The following ULK2 variants were observed in gnomAD, a reference collection of about 807,000 sequenced individuals.
ULK2 encodes serine/threonine-protein kinase ULK2.
A neutral mutation model predicts 127.5 loss-of-function variants in ULK2; 76 were observed. The observed-to-expected ratio is 0.60, with a 90% CI of 0.50 to 0.72. ULK2 has a LOEUF of 0.72. Among genes scored for constraint, ULK2 ranks in the 30% least tolerant of loss-of-function variants. The pLI, the probability that ULK2 is intolerant of heterozygous loss-of-function variation, is 0.00. For missense variants in ULK2, 1,144 were observed against 1,295.9 expected (o/e 0.88, Z 1.80); for synonymous variants, 452 against 461.9 (o/e 0.98, Z 0.28).
chr17:19,773,150 G>A lies in ULK2; in HGVS notation c.*3199C>T, dbSNP rs2086759899. 1.3e-5 allele frequency: 2 copies of A among 152,246 alleles called. No individual in the cohort carries two copies. Among genetic ancestry groups the A allele is most frequent in the Non-Finnish European group, 2.9e-5 (2 of 68,098 alleles). The allele number at this position is 152,246 out of a possible 1,614,324, so 9.4% of individuals were successfully genotyped here. A position where few individuals can be genotyped will look rare whatever the true frequency, so the allele number is the denominator to read the frequency against. ...AAAATAGCTGAGCGTGGTGGCGCAT[G>A]TCTGTAATCCTAGCTACCTGGGAGG... On this transcript the variant is annotated 3_prime_UTR_variant, in exon 27 of 27. Coordinates refer to ENST00000395544, the MANE Select transcript of ULK2 (RefSeq NM_014683.4).
Position 19,835,177 on chromosome 17 carries a change from C to T in ULK2, c.787+3324G>A, listed in dbSNP as rs548044036. ...TCTTTTTTTTTTGGAGATGGAGTCT[C>T]GCTCTGTCACCCAGGCTGGAGGAGT... On this transcript the variant is annotated intron_variant, in intron 10 of 26. Coordinates refer to ENST00000395544, the MANE Select transcript of ULK2 (RefSeq NM_014683.4). Among the ~76,000 whole-genome samples, 8 of 150,672 alleles carry T rather than the reference C, an allele frequency of 5.3e-5. No homozygotes were observed. In the East Asian group the frequency reaches 1.0e-3, roughly 19 times the overall value.
At chr17:19,780,741 C>A in intron 24 of ULK2, 112 bp from the exon 25 acceptor site, 1 of 1,214,892 alleles carries the variant, frequency 8.2e-7, no homozygotes, top group African/African-American at 1.5e-5. Context: ...TGTGATCATT[C>A]AAAAAAAGGA....
intron 12 of ULK2, among the ~76,000 whole-genome samples, chr17:19,824,331 A>G (rs1338468827): frequency 6.6e-6 from 1 of 151,478 alleles, no homozygotes. Flanking sequence ...CTACAGTCCC[A>G]GCTACTTGGG....
chr17:19,867,587 G>C lies in ULK2; in HGVS notation c.-170C>G, dbSNP rs1469226699. 9.1e-6 allele frequency: 3 copies of C among 331,370 alleles called. No homozygotes were observed. The Admixed American group carries it at 1.5e-4, about 17-fold the overall frequency. The allele number at this position is 331,370 out of a possible 1,614,324, so 20.5% of individuals were successfully genotyped here. On this transcript the variant is annotated 5_prime_UTR_variant, in exon 1 of 27. Transcript: ENST00000395544. ...CCGAGAGACCGGAGCGGAAACTGGG[G>C]AAGCTGCCGCGCGGAGCCAGGGTCA...
Position 19,840,244 on chromosome 17 carries a change from G to C in ULK2, c.704+1245C>G, listed in dbSNP as rs928942417. The C allele has an allele frequency of 1.2e-5, 6 of 512,324 alleles. No homozygotes were observed. In the East Asian group the frequency reaches 1.6e-4, roughly 14 times the overall value. The allele number at this position is 512,324 out of a possible 1,614,324, so 31.7% of individuals were successfully genotyped here. On this transcript the variant is annotated intron_variant, in intron 9 of 26. Transcript: ENST00000395544. ...GCGCAAGTTGAGCAGTTGGCCATAA[G>C]AGCCGGGCTGAAATGAGAGTACCTG...
chr17:19,865,225 G>A (rs2042327806), intron 2 of ULK2, among the ~76,000 whole-genome samples: 1 of 152,180 alleles, frequency 6.6e-6, no homozygotes, highest in Non-Finnish European at 1.5e-5. Context: ...CATAGGCTTT[G>A]TGACTCTCCA....
intron 25 of ULK2, among the ~76,000 whole-genome samples, 161 bp downstream of exon 25, chr17:19,780,311 C>A (rs2086892711): frequency 6.6e-6 from 1 of 152,032 alleles, no homozygotes; most frequent in Non-Finnish European, 1.5e-5. Context: ...ATGACATTAA[C>A]AGTTGCTTAA....
intron 20 of ULK2, among the ~76,000 whole-genome samples, chr17:19,789,840 A>C (rs1161459220): frequency 1.3e-5 from 2 of 151,822 alleles, no homozygotes; most frequent in African/African-American, 2.4e-5. Context: ...AGGCTATCTG[A>C]AAATACAGAG....
At chr17:19,824,820 T>C (rs2041248390) in intron 12 of ULK2, among the ~76,000 whole-genome samples, 1 of 152,120 alleles carries the variant, frequency 6.6e-6, no homozygotes, top group Non-Finnish European at 1.5e-5. Context: ...CAAAACACCA[T>C]AGGGTATAAG....
intron 15 of ULK2, among the ~76,000 whole-genome samples, chr17:19,804,154 G>A (rs1336227893): frequency 1.3e-5 from 2 of 152,002 alleles, no homozygotes; most frequent in East Asian, 1.9e-4. Flanking sequence ...AGGCTGAGAC[G>A]GGAGGATCGC....
chr17:19,833,603 A>G (rs2041519006), intron 10 of ULK2, among the ~76,000 whole-genome samples: 2 of 152,042 alleles, frequency 1.3e-5, no homozygotes, highest in Non-Finnish European at 2.9e-5. Context: ...CCAGCTATGC[A>G]GGAGGCTGAG....
chr17:19,857,643 A>G (rs1441852233), intron 3 of ULK2, among the ~76,000 whole-genome samples: 1 of 152,196 alleles, frequency 6.6e-6, no homozygotes, highest in Non-Finnish European at 1.5e-5. Flanking sequence ...ACAATCACAC[A>G]GTTATGTATT....
chr17:19,845,347 C>G lies in ULK2; in HGVS notation c.500G>C (p.Ser167Thr), dbSNP rs759671653. Residue 167 changes from serine to threonine, a missense_variant, in exon 7 of 27, where the codon AGT (serine) becomes ACT (threonine). By Grantham distance (58) the Ser-to-Thr change is moderately conservative. This residue lies in a region of ULK2 where 231 missense variants were observed against 325.4 expected (regional missense o/e 0.71). Coordinates refer to ENST00000395544, the MANE Select transcript of ULK2 (RefSeq NM_014683.4). ...ACACAGTGTTGCAGCCATCATGTTA[C>G]TATGTAGGTAACGAGCAAAACCAAA... ...ADFGFARYLH[S>T]NMMAATLCGS... is the part of the protein sequence containing the mutation. The G allele has an allele frequency of 1.2e-6, 2 of 1,613,856 alleles. No homozygotes were observed. Among genetic ancestry groups the G allele is most frequent in the Non-Finnish European group, 1.7e-6 (2 of 1,179,912 alleles).
At chr17:19,812,587 T>G (rs118016775) in intron 13 of ULK2, among the ~76,000 whole-genome samples, 2,091 of 152,358 alleles carry the variant, frequency 0.014, 18 homozygotes, top group Middle Eastern at 0.037. Context: ...TTTACTCTGG[T>G]GATCGCAGGC....
At chr17:19,855,510 G>C (rs2042107216) in intron 3 of ULK2, among the ~76,000 whole-genome samples, 1 of 144,772 alleles carries the variant, frequency 6.9e-6, no homozygotes, top group Non-Finnish European at 1.5e-5. Flanking sequence ...TAAGGCAGGA[G>C]AATCACTTGA....
In ULK2 at chr17:19,772,027, G is replaced by A. The variant is rs1289809099; in HGVS notation, c.*4322C>T. On this transcript the variant is annotated 3_prime_UTR_variant, in exon 27 of 27. Coordinates refer to ENST00000395544, the MANE Select transcript of ULK2 (RefSeq NM_014683.4). ...TACAGATTGATCCCACCTGTTCAGA[G>A]CAACAGGCACGGCTTCACTCGGGAC... is the stretch of plus-strand genomic sequence containing the variant. 1 of 152,400 alleles carries A rather than the reference G, an allele frequency of 6.6e-6. No individual in the cohort carries two copies. Among genetic ancestry groups the A allele is most frequent in the African/African-American group, 2.4e-5 (1 of 41,452 alleles). The allele number at this position is 152,400 out of a possible 1,614,324, so 9.4% of individuals were successfully genotyped here.
At chr17:19,860,685 C>G (rs2042223241) in intron 3 of ULK2, among the ~76,000 whole-genome samples, 1 of 151,812 alleles carries the variant, frequency 6.6e-6, no homozygotes, top group African/African-American at 2.4e-5. Flanking sequence ...CCACCATGCC[C>G]AGCTAATTTT....
rs1256601123 is a variant in ULK2, at chr17:19,772,284, T to C, written c.*4065A>G. On this transcript the variant is annotated 3_prime_UTR_variant, in exon 27 of 27. Transcript: ENST00000395544. Reference sequence around the variant, plus strand: ...AAGTTGTCAGCTTTCCCGTATGCAGTGTTTTTCTAGGTGGATTGTTTCTGA... The same window carrying C: ...AAGTTGTCAGCTTTCCCGTATGCAGCGTTTTTCTAGGTGGATTGTTTCTGA... 1 of 152,272 alleles carries C rather than the reference T, an allele frequency of 6.6e-6. No individual in the cohort carries two copies. Among genetic ancestry groups the C allele is most frequent in the Non-Finnish European group, 1.5e-5 (1 of 68,046 alleles). The allele number at this position is 152,272 out of a possible 1,614,324, so 9.4% of individuals were successfully genotyped here.
intron 17 of ULK2, among the ~76,000 whole-genome samples, chr17:19,798,503 T>C (rs1390588316): frequency 6.6e-6 from 1 of 152,204 alleles, no homozygotes; most frequent in Non-Finnish European, 1.5e-5. Flanking sequence ...CGTGCAAATA[T>C]TCTTAGTGAC....
Sources: gnomAD v4.1 joint callset for allele counts (sites outside exome capture counted in the v4.1 genomes callset) on GRCh38, gnomAD v4.1.1 for gene constraint, gnomAD v4.1.1 regional missense constraint, MANE v1.5 for transcripts, NCBI Gene and HGNC (gene_info 2026-07-23, HGNC 2026-07-21) for gene names.